TMCO4: variants seen among roughly 807,000 people sequenced by gnomAD.
TMCO4 encodes transmembrane and coiled-coil domain-containing protein 4.
A neutral mutation model predicts 64.7 loss-of-function variants in TMCO4; 58 were observed. The observed-to-expected ratio is 0.90, with a 90% confidence interval of 0.73 to 1.12. The LOEUF is 1.12. Among genes scored for constraint, TMCO4 ranks in the 50% most tolerant of loss-of-function variants. The pLI, the probability that TMCO4 is intolerant of heterozygous loss-of-function variation, is 0.00. For synonymous variants in TMCO4, 325 were observed against 346.1 expected, an observed-to-expected ratio of 0.94 and a Z score of 0.68; for missense variants, 780 against 825.9, an observed-to-expected ratio of 0.94 and a Z score of 0.68.
chr1:19,685,751 T>C (rs2095143804), intron 15 of TMCO4, among the ~76,000 whole-genome samples: 1 of 137,282 alleles, frequency 7.3e-6, no homozygotes, highest in African/African-American at 2.6e-5. Context: ...TCTCGCTCTG[T>C]TGCCCAGGCT....
At position 19,764,715 on chromosome 1, in the gene TMCO4, C is replaced by T. The variant is rs191252992; in HGVS notation, c.382+5827G>A. ...TAAAAATACACAAAAATTAGCCAGG[C>T]GTGGTGGCACATGCCTGTAATCCCG... On this transcript the variant is annotated intron_variant, in intron 6 of 15. Coordinates refer to ENST00000294543, the MANE Select transcript of TMCO4 (RefSeq NM_181719.7). 3.3e-5 allele frequency among the ~76,000 whole-genome samples: 5 copies of T among 152,120 alleles called. No homozygotes were observed. In the East Asian group the frequency reaches 7.7e-4, roughly 24 times the overall value.
At chr1:19,737,905 C>T (rs2095462943) in intron 12 of TMCO4, among the ~76,000 whole-genome samples, 1 of 152,180 alleles carries the variant, frequency 6.6e-6, no homozygotes, top group Non-Finnish European at 1.5e-5. Context: ...GCAAGAGTGA[C>T]AAGGGAGGGA....
chr1:19,786,365 C>T (rs948112045), intron 3 of TMCO4, among the ~76,000 whole-genome samples: 1 of 152,088 alleles, frequency 6.6e-6, no homozygotes, highest in East Asian at 1.9e-4. Flanking sequence ...AGATGGGGAC[C>T]CTGAACCCAG....
At chr1:19,717,895 T>C (rs2095363892) in intron 13 of TMCO4, among the ~76,000 whole-genome samples, 1 of 152,160 alleles carries the variant, frequency 6.6e-6, no homozygotes, top group African/African-American at 2.4e-5. Context: ...GCAGCAAGCT[T>C]GTCGGAAAAG....
chr1:19,769,242 C>T (rs1020010303), intron 6 of TMCO4, among the ~76,000 whole-genome samples: 1 of 152,086 alleles, frequency 6.6e-6, no homozygotes, highest in Admixed American at 6.6e-5. Flanking sequence ...ACTTCTGAGC[C>T]CTCTCCCTTC....
At chr1:19,699,320 A>AACCTCTGTACAGGAGGGACTATT (rs1553127115) in intron 14 of TMCO4, among the ~76,000 whole-genome samples, 1 of 151,994 alleles carries the variant, frequency 6.6e-6, no homozygotes, top group Non-Finnish European at 1.5e-5. Context: ...ATCTTCCCAG[A>AACCTCTGTACAGGAGGGACTATT]ACCTCTGTAC....
chr1:19,711,321 T>C (rs1386301850), intron 13 of TMCO4, among the ~76,000 whole-genome samples: 1 of 152,248 alleles, frequency 6.6e-6, no homozygotes, highest in Admixed American at 6.5e-5. Context: ...CAAGAAGCTT[T>C]CCTTTGCATT....
chr1:19,730,670 C>T (rs563497503), intron 13 of TMCO4, among the ~76,000 whole-genome samples: 66 of 152,268 alleles, frequency 4.3e-4, no homozygotes, highest in African/African-American at 1.5e-3. Flanking sequence ...GAGGAGCCAC[C>T]CCTGGTGTTT....
intron 14 of TMCO4, among the ~76,000 whole-genome samples, chr1:19,698,027 T>A (rs917431871): frequency 6.6e-6 from 1 of 152,290 alleles, no homozygotes; most frequent in East Asian, 1.9e-4. Flanking sequence ...GAGAGCTCCC[T>A]GAGGGCAGGT....
At chr1:19,745,706 T>A (rs1338819751) in intron 9 of TMCO4, 55 bp from the exon 10 acceptor site, 1 of 1,555,664 alleles carries the variant, frequency 6.4e-7, no homozygotes, top group Non-Finnish European at 8.7e-7. Context: ...CCGGGGAACA[T>A]CAGGGTGGCT....
chr1:19,700,624 T>C, intron 14 of TMCO4, 144 bp downstream of exon 14: 1 of 772,640 alleles, frequency 1.3e-6, no homozygotes, highest in Non-Finnish European at 2.1e-6. Context: ...GGCCTGCTCC[T>C]AACAGGGCCG....
Position 19,683,454 on chromosome 1 carries a change from A to G in TMCO4, c.1501-10T>C. The G allele has an allele frequency of 6.2e-7, 1 of 1,611,564 alleles. No homozygotes were observed. The highest frequency in any genetic ancestry group is 8.5e-7 in the Non-Finnish European group (1 of 1,179,764). ...CCAGGTGGCCGCTGACCTGCAGGAG[A>G]CAGTGAGTGAGCACCACCGTGGGTG... On this transcript the variant is annotated splice_polypyrimidine_tract_variant and intron_variant, in intron 15 of 15. Transcript: ENST00000294543.
At chr1:19,754,069 C>T (rs968498731) in intron 7 of TMCO4, among the ~76,000 whole-genome samples, 8 of 152,150 alleles carry the variant, frequency 5.3e-5, no homozygotes, top group African/African-American at 1.9e-4. Context: ...CCCCATTTTA[C>T]AGGTGAGGAA....
At chr1:19,714,681 G>A (rs2095347241) in intron 13 of TMCO4, among the ~76,000 whole-genome samples, 1 of 151,828 alleles carries the variant, frequency 6.6e-6, no homozygotes, top group Non-Finnish European at 1.5e-5. Context: ...CCACCACTTT[G>A]GGTGGCTGAG....
chr1:19,711,206 C>T (rs748798413), intron 13 of TMCO4, among the ~76,000 whole-genome samples: 6 of 152,208 alleles, frequency 3.9e-5, no homozygotes, highest in Middle Eastern at 3.2e-3. Flanking sequence ...ACAGATATTA[C>T]GTGTCTTACA....
At chr1:19,765,247 T>C (rs1200120826) in intron 6 of TMCO4, among the ~76,000 whole-genome samples, 1 of 152,182 alleles carries the variant, frequency 6.6e-6, no homozygotes, top group Non-Finnish European at 1.5e-5. Context: ...AACCTTCATT[T>C]TCTCCCCTGT....
At chr1:19,756,115 G>A (rs1247868798) in intron 6 of TMCO4, among the ~76,000 whole-genome samples, 1 of 152,154 alleles carries the variant, frequency 6.6e-6, no homozygotes, top group African/African-American at 2.4e-5. Context: ...GCCAGGCATT[G>A]TGGTGCATGC....
chr1:19,718,665 A>AAAAAAAAAG (rs1450808804), intron 13 of TMCO4, among the ~76,000 whole-genome samples: 1 of 146,250 alleles, frequency 6.8e-6, no homozygotes, highest in Admixed American at 6.7e-5. Context: ...AAAAAAAAAA[A>AAAAAAAAAG]AGAGAGAGAG....
chr1:19,774,148 T>A (rs997517981), intron 4 of TMCO4, among the ~76,000 whole-genome samples: 5 of 152,194 alleles, frequency 3.3e-5, no homozygotes, highest in Admixed American at 3.3e-4. Context: ...GGGGTGGTAA[T>A]GAGGTATGTA....
Sources: allele counts gnomAD v4.1 joint callset (sites outside exome capture counted in the v4.1 genomes callset), GRCh38; gene constraint gnomAD v4.1.1; transcripts MANE v1.5; gene names NCBI Gene and HGNC (gene_info 2026-07-23, HGNC 2026-07-21).